FRRS1: variants seen among roughly 807,000 people sequenced by gnomAD.
The protein encoded by FRRS1 is ferric chelate reductase 1, also known as ferric reductase 1.
FRRS1 carries 51 observed loss-of-function variants against 70.7 expected under a neutral mutation model. The observed-to-expected ratio is 0.72, with a 90% CI of 0.58 to 0.91. The LOEUF is 0.91. FRRS1 is among the 40% of genes least tolerant of loss of function. FRRS1 has a pLI of 0.00. For synonymous variants in FRRS1, 225 were observed against 238.7 expected, an observed-to-expected ratio of 0.94 and a Z score of 0.53; for missense variants, 672 against 726.0, an observed-to-expected ratio of 0.93 and a Z score of 0.86.
rs548173141 is a variant in FRRS1, at chr1:99,728,759, T to C, written c.859-119A>G. ...TCTAAGATCGTATGTCCATGCTTTG[T>C]CTGCAGTGTCATTGTTTTTCCACTT... On this transcript the variant is annotated intron_variant, in intron 8 of 16. Coordinates refer to ENST00000646001, the MANE Select transcript of FRRS1 (RefSeq NM_001361041.2). The C allele has an allele frequency of 1.1e-5, 7 of 666,432 alleles. No homozygotes were observed. The East Asian group carries it at 2.0e-4, about 19-fold the overall frequency. The allele number at this position is 666,432 out of a possible 1,614,324, so 41.3% of individuals were successfully genotyped here.
intron 1 of FRRS1, among the ~76,000 whole-genome samples, chr1:99,757,642 T>C (rs1016791339): frequency 3.9e-5 from 6 of 152,164 alleles, no homozygotes; most frequent in African/African-American, 1.4e-4. Context: ...AGAATTTCCA[T>C]TGGTTGCATT....
chr1:99,764,902 C>A (rs1237571916), intron 1 of FRRS1, among the ~76,000 whole-genome samples: 1 of 152,232 alleles, frequency 6.6e-6, no homozygotes, highest in African/African-American at 2.4e-5. Flanking sequence ...TAACTGTTCA[C>A]TCCATAAGCT....
chr1:99,754,415 G>T (rs987608520), intron 1 of FRRS1, among the ~76,000 whole-genome samples: 2 of 151,944 alleles, frequency 1.3e-5, no homozygotes, highest in Admixed American at 6.6e-5. Context: ...GGAGTTCAAG[G>T]TTGCAATTAG....
At position 99,709,189 on chromosome 1, in the gene FRRS1, A is replaced by G. The variant is rs1361502167; in HGVS notation, c.1686+9T>C. Reference sequence around the variant, plus strand: ...AAGGTTTGTGTCAATGAACAAGAAAAGGACTTACCTCTGTTTCCACTGCAG... The same window carrying G: ...AAGGTTTGTGTCAATGAACAAGAAAGGGACTTACCTCTGTTTCCACTGCAG... On this transcript the variant is annotated intron_variant, in intron 16 of 16. Transcript: ENST00000646001. 1.9e-6 allele frequency: 3 copies of G among 1,608,890 alleles called. No homozygotes were observed. The highest frequency in any genetic ancestry group is 2.7e-5 in the African/African-American group (2 of 74,926).
At chr1:99,730,164 A>G (rs1655281511) in intron 7 of FRRS1, among the ~76,000 whole-genome samples, 1 of 152,164 alleles carries the variant, frequency 6.6e-6, no homozygotes, top group African/African-American at 2.4e-5. Context: ...TACTCCAGAT[A>G]TTTATTTATT....
At chr1:99,711,956 T>G in intron 14 of FRRS1, 149 bp downstream of exon 14, 1 of 595,316 alleles carries the variant, frequency 1.7e-6, no homozygotes, top group Non-Finnish European at 3.0e-6. Flanking sequence ...AGAAATTACT[T>G]TCTGGATTTC....
chr1:99,727,846 C>T (rs1441166386), intron 9 of FRRS1, among the ~76,000 whole-genome samples: 1 of 152,192 alleles, frequency 6.6e-6, no homozygotes, highest in African/African-American at 2.4e-5. Context: ...GTTGCAATAT[C>T]CACCAGTGTA....
Position 99,748,920 on chromosome 1 carries a change from G to T in FRRS1, c.-24C>A. 1 of 560,982 alleles carries T rather than the reference G, an allele frequency of 1.8e-6. No individual in the cohort carries two copies. The allele number at this position is 560,982 out of a possible 1,614,324, so 34.8% of individuals were successfully genotyped here. A position where few individuals can be genotyped will look rare whatever the true frequency, so the allele number is the denominator to read the frequency against. The stretch of plus-strand genomic sequence containing the variant: ...ACCTGATAAAAAGAATGTGATATGT[G>T]AAGTTTCACCCGAATTTCAATCTCA... On this transcript the variant is annotated 5_prime_UTR_variant, in exon 2 of 17. Transcript: ENST00000646001.
At position 99,729,688 on chromosome 1, in the gene FRRS1, G is replaced by T. The variant is rs778263017; in HGVS notation, c.820C>A (p.His274Asn). ...EDQTVYIQPS[H>N]LTGRSHPVMD... ...ACAGGGTGACTTCGCCCCGTTAAAT[G>T]GGAAGGCTGGATGTACACAGTCTGA... Residue 274 changes from histidine to asparagine, a missense_variant, in exon 8 of 17, where the codon CAT becomes AAT. By Grantham distance (68) the His-to-Asn change is moderately conservative. Coordinates refer to ENST00000646001, the MANE Select transcript of FRRS1 (RefSeq NM_001361041.2). 6.2e-7 allele frequency: 1 copy of T among 1,613,448 alleles called. No individual in the cohort carries two copies. Among genetic ancestry groups the T allele is most frequent in the East Asian group, 2.2e-5 (1 of 44,884 alleles).
chr1:99,726,941 C>A (rs936823586), intron 9 of FRRS1, among the ~76,000 whole-genome samples: 4 of 152,138 alleles, frequency 2.6e-5, no homozygotes, highest in Non-Finnish European at 5.9e-5. Flanking sequence ...TCTGGAACTC[C>A]TGGGCTCAAG....
At chr1:99,744,122 T>C (rs1360832222) in intron 4 of FRRS1, among the ~76,000 whole-genome samples, 2 of 151,668 alleles carry the variant, frequency 1.3e-5, no homozygotes, top group African/African-American at 4.9e-5. Context: ...ACTGCAGCTA[T>C]GCCAACAGAT....
intron 5 of FRRS1, 39 bp downstream of exon 5, chr1:99,742,140 C>A (rs750144897): frequency 7.9e-7 from 1 of 1,264,958 alleles, no homozygotes; most frequent in Non-Finnish European, 1.2e-6. Context: ...AGGCATGAGC[C>A]ACCATGCCTG....
intron 4 of FRRS1, among the ~76,000 whole-genome samples, chr1:99,746,496 A>G (rs1316156168): frequency 6.6e-6 from 1 of 152,226 alleles, no homozygotes; most frequent in Admixed American, 6.5e-5. Context: ...GAGACTGTGA[A>G]TATGGAAAAA....
chr1:99,711,201 TG>T (rs1379054256), intron 14 of FRRS1, among the ~76,000 whole-genome samples: 1 of 152,234 alleles, frequency 6.6e-6, no homozygotes, highest in Non-Finnish European at 1.5e-5. Flanking sequence ...TGCTGGAGTT[TG>T]GCCTTCTAGT....
intron 1 of FRRS1, among the ~76,000 whole-genome samples, chr1:99,753,231 A>AG (rs71075451): frequency 0.49 from 72,655 of 148,502 alleles, 21,638 homozygotes; most frequent in African/African-American, 0.84. Context: ...AAAAAAAAAA[A>AG]AAAAAAAGGC....
At chr1:99,741,311 G>A (rs1268155822) in intron 5 of FRRS1, among the ~76,000 whole-genome samples, 1 of 152,200 alleles carries the variant, frequency 6.6e-6, no homozygotes, top group Non-Finnish European at 1.5e-5. Flanking sequence ...TGTGTAGCAA[G>A]CAACAACAGC....
intron 8 of FRRS1, among the ~76,000 whole-genome samples, chr1:99,729,237 T>C (rs1338329042): frequency 6.6e-6 from 1 of 152,248 alleles, no homozygotes; most frequent in African/African-American, 2.4e-5. Flanking sequence ...AAAGGGCACT[T>C]AAGACAACTG....
intron 1 of FRRS1, among the ~76,000 whole-genome samples, chr1:99,762,265 T>A (rs1401068104): frequency 6.6e-6 from 1 of 152,224 alleles, no homozygotes; most frequent in Non-Finnish European, 1.5e-5. Context: ...AGAAACTCCA[T>A]AAGCGTTAGT....
intron 7 of FRRS1, among the ~76,000 whole-genome samples, chr1:99,730,879 A>AG (rs1655344135): frequency 6.6e-6 from 1 of 150,934 alleles, no homozygotes. Flanking sequence ...AAAAAAAAAA[A>AG]AAAAAAATCA....
Sources: allele counts gnomAD v4.1 joint callset (sites outside exome capture counted in the v4.1 genomes callset), GRCh38; gene constraint gnomAD v4.1.1; transcripts MANE v1.5; gene names NCBI Gene and HGNC (gene_info 2026-07-23, HGNC 2026-07-21).